SUPT3H: variants seen among roughly 807,000 people sequenced by gnomAD.
SUPT3H encodes transcription initiation protein SPT3 homolog.
In SUPT3H, 44 loss-of-function variants were observed where a neutral mutation model predicts 44.3. The observed-to-expected ratio is 0.99, with a 90% confidence interval of 0.78 to 1.28. SUPT3H has a LOEUF of 1.28. Among genes scored for constraint, SUPT3H ranks in the 50% most tolerant of loss-of-function variants. The probability of loss-of-function intolerance (pLI) is 0.00; values close to 1 mark genes in which losing one functional copy is unlikely to be tolerated. For missense variants in SUPT3H, 380 were observed against 387.1 expected, an observed-to-expected ratio of 0.98 and a Z score of 0.15; for synonymous variants, 124 against 125.6, an observed-to-expected ratio of 0.99 and a Z score of 0.09.
chr6:45,129,430 GTTA>G lies in SUPT3H; in HGVS notation c.102-23427_102-23425del, dbSNP rs1803060177. 2.6e-5 allele frequency among the ~76,000 whole-genome samples: 4 copies of G among 152,292 alleles called. 1 individual carries two copies. The South Asian group carries it at 8.3e-4, about 32-fold the overall frequency. On this transcript the variant is annotated intron_variant, in intron 2 of 10. Coordinates refer to ENST00000371459, the MANE Select transcript of SUPT3H (RefSeq NM_003599.4). ...CAAGTCCTCGCACAACAAATTTCTA[GTTA>G]TGTGGTCTCACACTTCAAATTCTTG...
intron 3 of SUPT3H, chr6:45,098,687 G>A: frequency 8.0e-6 from 3 of 374,646 alleles, no homozygotes; most frequent in South Asian, 4.3e-5. Flanking sequence ...GGACCCATCA[G>A]AGGACAAGGT....
intron 2 of SUPT3H, among the ~76,000 whole-genome samples, chr6:45,258,666 A>T (rs146695738): frequency 0.012 from 1,794 of 152,312 alleles, 14 homozygotes; most frequent in Non-Finnish European, 0.019. Context: ...TCAAAAAAGC[A>T]AACAAACAAA....
At chr6:45,111,797 C>G (rs1249991432) in intron 2 of SUPT3H, among the ~76,000 whole-genome samples, 1 of 151,946 alleles carries the variant, frequency 6.6e-6, no homozygotes, top group Non-Finnish European at 1.5e-5. Flanking sequence ...TCACGGCCCC[C>G]CCACCCCCAC....
chr6:45,324,088 A>G (rs1271034747), intron 2 of SUPT3H, among the ~76,000 whole-genome samples: 3 of 152,004 alleles, frequency 2.0e-5, no homozygotes, highest in Non-Finnish European at 1.5e-5. Context: ...CATGTTTCCC[A>G]TATTTTCTGC....
At chr6:44,908,053 T>A (rs1582419875) in intron 10 of SUPT3H, among the ~76,000 whole-genome samples, 1 of 152,046 alleles carries the variant, frequency 6.6e-6, no homozygotes, top group East Asian at 1.9e-4. Context: ...ATTGACCTTC[T>A]CAAGGAAAAA....
At chr6:44,814,758 C>G (rs1766792123) in intron 11 of SUPT3H, among the ~76,000 whole-genome samples, 1 of 152,012 alleles carries the variant, frequency 6.6e-6, no homozygotes, top group Non-Finnish European at 1.5e-5. Flanking sequence ...GTCACTGCAA[C>G]CTCTGCCTTC....
chr6:44,944,435 C>G (rs1358087925), intron 9 of SUPT3H, among the ~76,000 whole-genome samples: 1 of 151,788 alleles, frequency 6.6e-6, no homozygotes, highest in Non-Finnish European at 1.5e-5. Flanking sequence ...CTTAATACAT[C>G]AAATATCACA....
At chr6:45,188,784 ACT>A (rs1288914766) in intron 2 of SUPT3H, among the ~76,000 whole-genome samples, 1 of 151,946 alleles carries the variant, frequency 6.6e-6, no homozygotes. Flanking sequence ...CCTCTACTGT[ACT>A]CATTGTGTAC....
At chr6:45,051,437 C>T (rs1439075140) in intron 3 of SUPT3H, among the ~76,000 whole-genome samples, 1 of 151,918 alleles carries the variant, frequency 6.6e-6, no homozygotes, top group Non-Finnish European at 1.5e-5. Context: ...TATAACACAT[C>T]ATCCAGGATA....
At chr6:45,185,662 TC>T (rs1292707739) in intron 2 of SUPT3H, among the ~76,000 whole-genome samples, 2 of 152,160 alleles carry the variant, frequency 1.3e-5, no homozygotes, top group African/African-American at 4.8e-5. Flanking sequence ...CTTCCTCTGT[TC>T]CCCCAGTAAA....
chr6:44,991,272 C>T (rs1724794392), intron 6 of SUPT3H, among the ~76,000 whole-genome samples: 2 of 152,202 alleles, frequency 1.3e-5, no homozygotes, highest in South Asian at 4.1e-4. Context: ...TATAGCAATG[C>T]AAAACACTGC....
At chr6:45,187,996 G>T (rs1011941533) in intron 2 of SUPT3H, among the ~76,000 whole-genome samples, 1 of 152,200 alleles carries the variant, frequency 6.6e-6, no homozygotes, top group Non-Finnish European at 1.5e-5. Context: ...GTAGCATGAT[G>T]AAATCTCACT....
intron 11 of SUPT3H, among the ~76,000 whole-genome samples, chr6:44,815,885 C>T (rs1766872746): frequency 6.6e-6 from 1 of 151,770 alleles, no homozygotes; most frequent in Non-Finnish European, 1.5e-5. Flanking sequence ...ATTACTTTTG[C>T]ACCAACATAT....
intron 10 of SUPT3H, among the ~76,000 whole-genome samples, chr6:44,901,600 CAG>C (rs1765070223): frequency 6.6e-6 from 1 of 151,738 alleles, no homozygotes; most frequent in African/African-American, 2.4e-5. Flanking sequence ...AAACACTCTG[CAG>C]GATATTATCC....
chr6:44,954,734 C>A, intron 7 of SUPT3H, 127 bp from the exon 8 acceptor site: 1 of 629,844 alleles, frequency 1.6e-6, no homozygotes, highest in East Asian at 2.7e-5. Flanking sequence ...ACATAAAATG[C>A]ATAATTAATG....
chr6:44,971,496 A>G (rs1777561535), intron 6 of SUPT3H, among the ~76,000 whole-genome samples: 1 of 152,140 alleles, frequency 6.6e-6, no homozygotes, highest in Non-Finnish European at 1.5e-5. Context: ...GTGCCAAGCA[A>G]AAGGAGGAAA....
chr6:45,189,456 GT>G (rs1485761812), intron 2 of SUPT3H, among the ~76,000 whole-genome samples: 1 of 152,094 alleles, frequency 6.6e-6, no homozygotes, highest in Non-Finnish European at 1.5e-5. Flanking sequence ...GAGAAACATG[GT>G]TCCCTTATTA....
chr6:45,249,615 G>T (rs185526531), intron 2 of SUPT3H, among the ~76,000 whole-genome samples: 1 of 152,244 alleles, frequency 6.6e-6, no homozygotes, highest in East Asian at 1.9e-4. Flanking sequence ...GGGACCTGAA[G>T]GCAGGGATCC....
intron 10 of SUPT3H, among the ~76,000 whole-genome samples, chr6:44,886,967 C>G (rs1762404946): frequency 1.3e-5 from 2 of 152,082 alleles, no homozygotes; most frequent in Non-Finnish European, 2.9e-5. Flanking sequence ...GGGTTGCAAT[C>G]CTAGTCTCTG....
Sources: allele counts gnomAD v4.1 joint callset (sites outside exome capture counted in the v4.1 genomes callset), GRCh38; gene constraint gnomAD v4.1.1; transcripts MANE v1.5; gene names NCBI Gene and HGNC (gene_info 2026-07-23, HGNC 2026-07-21).